DOCK3: variants seen among roughly 807,000 people sequenced by gnomAD.
DOCK3 encodes the protein dedicator of cytokinesis 3, also known as dedicator of cytokinesis protein 3.
A neutral mutation model predicts 265.6 loss-of-function variants in DOCK3; 60 were observed. The ratio of observed to expected loss-of-function variants is 0.23; its 90% CI spans 0.18 to 0.28. The LOEUF (loss-of-function observed/expected upper bound fraction) is 0.28. DOCK3 is among the 10% of genes least tolerant of loss of function. The pLI is 1.00. For missense variants in DOCK3, 1,981 were observed against 2,594.3 expected, an observed-to-expected ratio of 0.76 and a Z score of 5.14; for synonymous variants, 881 against 938.0, an observed-to-expected ratio of 0.94 and a Z score of 1.11.
At chr3:50,985,799 G>A (rs1399908302) in intron 5 of DOCK3, among the ~76,000 whole-genome samples, 1 of 151,408 alleles carries the variant, frequency 6.6e-6, no homozygotes, top group African/African-American at 2.4e-5. Flanking sequence ...TATGGAGATA[G>A]TATTTTAAAT....
At chr3:50,731,501 G>A (rs1384627260) in intron 1 of DOCK3, among the ~76,000 whole-genome samples, 16 of 152,190 alleles carry the variant, frequency 1.1e-4, no homozygotes, top group Non-Finnish European at 4.4e-5. Context: ...AAGGGTATAT[G>A]AGAAATCTCT....
intron 5 of DOCK3, among the ~76,000 whole-genome samples, chr3:50,958,705 C>T (rs2076798095): frequency 6.6e-6 from 1 of 152,166 alleles, no homozygotes; most frequent in African/African-American, 2.4e-5. Flanking sequence ...GGTTGCTCCA[C>T]GTTGCTGCTG....
At chr3:51,095,851 CAAAAA>C (rs71278627) in intron 9 of DOCK3, among the ~76,000 whole-genome samples, 6 of 9,800 alleles carry the variant, frequency 6.1e-4, no homozygotes, top group Non-Finnish European at 8.0e-4. Context: ...ATAAGGTTAG[CAAAAA>C]AAAAAAAAAA....
intron 5 of DOCK3, among the ~76,000 whole-genome samples, chr3:50,946,841 T>C (rs2076441395): frequency 6.6e-6 from 1 of 152,190 alleles, no homozygotes; most frequent in Non-Finnish European, 1.5e-5. Flanking sequence ...TGCTGTCTTA[T>C]TACCAGGATA....
chr3:50,807,686 C>T (rs977426124), intron 2 of DOCK3, among the ~76,000 whole-genome samples: 41 of 152,256 alleles, frequency 2.7e-4, no homozygotes, highest in Non-Finnish European at 5.3e-4. Context: ...GTAAAATGTG[C>T]AGTAGAATCT....
At chr3:50,924,783 G>A (rs942606126) in intron 4 of DOCK3, among the ~76,000 whole-genome samples, 1 of 152,216 alleles carries the variant, frequency 6.6e-6, no homozygotes, top group African/African-American at 2.4e-5. Context: ...CTCTATAGCT[G>A]CTATTTCTTT....
chr3:51,012,716 A>G (rs2079002743), intron 5 of DOCK3, among the ~76,000 whole-genome samples: 1 of 152,106 alleles, frequency 6.6e-6, no homozygotes, highest in African/African-American at 2.4e-5. Context: ...GAAATGCAGA[A>G]ATCACCCGTC....
intron 12 of DOCK3, among the ~76,000 whole-genome samples, chr3:51,201,773 A>T (rs1287117629): frequency 2.0e-5 from 3 of 152,118 alleles, no homozygotes; most frequent in Non-Finnish European, 4.4e-5. Flanking sequence ...TAGTTGGAAG[A>T]AAAGCACTCC....
chr3:51,018,424 A>G (rs1289788192), intron 5 of DOCK3, among the ~76,000 whole-genome samples: 1 of 145,492 alleles, frequency 6.9e-6, no homozygotes, highest in Non-Finnish European at 1.5e-5. Context: ...AAAGTGAGAC[A>G]CTATCTCCAC....
chr3:50,853,833 G>A (rs985738272), intron 3 of DOCK3, among the ~76,000 whole-genome samples: 1 of 150,946 alleles, frequency 6.6e-6, no homozygotes, highest in South Asian at 2.1e-4. Context: ...ATACCCAGTC[G>A]TGGGATTGCT....
chr3:50,769,841 CA>C (rs2041169236), intron 1 of DOCK3, among the ~76,000 whole-genome samples: 1 of 149,220 alleles, frequency 6.7e-6, no homozygotes, highest in African/African-American at 2.5e-5. Context: ...AAGTTTTAGC[CA>C]GAGCAATTAG....
chr3:51,181,943 C>T (rs2087320438), intron 12 of DOCK3, among the ~76,000 whole-genome samples: 1 of 152,190 alleles, frequency 6.6e-6, no homozygotes, highest in African/African-American at 2.4e-5. Context: ...GCCAGTTCTG[C>T]TGGTGTGAGG....
chr3:50,868,906 T>TC (rs2047278560), intron 3 of DOCK3, among the ~76,000 whole-genome samples: 1 of 141,066 alleles, frequency 7.1e-6, no homozygotes, highest in Non-Finnish European at 1.5e-5. Context: ...AATCTGTTTT[T>TC]TTTTTTTTTT....
chr3:50,741,290 A>G (rs1208311097), intron 1 of DOCK3, among the ~76,000 whole-genome samples: 1 of 151,510 alleles, frequency 6.6e-6, no homozygotes, highest in East Asian at 1.9e-4. Flanking sequence ...TTTTATTATT[A>G]TTCTTTAAGT....
At chr3:51,322,054 G>GA (rs201916504) in intron 32 of DOCK3, among the ~76,000 whole-genome samples, 12,563 of 152,112 alleles carry the variant, frequency 0.083, 1,165 homozygotes, top group East Asian at 0.34. Flanking sequence ...GAAATGAAGG[G>GA]AAAAATGTTA....
At chr3:50,908,203 T>G (rs962982716) in intron 4 of DOCK3, among the ~76,000 whole-genome samples, 1 of 151,192 alleles carries the variant, frequency 6.6e-6, no homozygotes, top group African/African-American at 2.4e-5. Context: ...AGGGCTTTTT[T>G]TTTTTTTCAT....
intron 9 of DOCK3, among the ~76,000 whole-genome samples, chr3:51,128,194 C>G (rs1396529720): frequency 1.3e-5 from 2 of 152,154 alleles, no homozygotes; most frequent in African/African-American, 4.8e-5. Flanking sequence ...AAAAATTTTG[C>G]TAGTGGGTCA....
intron 1 of DOCK3, among the ~76,000 whole-genome samples, chr3:50,690,210 T>A (rs1042469198): frequency 3.3e-5 from 5 of 151,898 alleles, no homozygotes; most frequent in African/African-American, 1.2e-4. Flanking sequence ...TATAGTTCAC[T>A]GTAGTCTCAA....
At chr3:51,215,609 G>A (rs150171171) in intron 14 of DOCK3, among the ~76,000 whole-genome samples, 2 of 152,274 alleles carry the variant, frequency 1.3e-5, no homozygotes, top group Non-Finnish European at 2.9e-5. Flanking sequence ...ACAAAGAGTT[G>A]GGTAGCTTGG....
Sources: allele counts gnomAD v4.1 joint callset (sites outside exome capture counted in the v4.1 genomes callset), GRCh38; gene constraint gnomAD v4.1.1; transcripts MANE v1.5; gene names NCBI Gene and HGNC (gene_info 2026-07-23, HGNC 2026-07-21).